The following TTC34 variants were observed in gnomAD, a reference collection of about 807,000 sequenced individuals.
TTC34 encodes tetratricopeptide repeat domain 34.
A neutral mutation model predicts 40.7 loss-of-function variants in TTC34; 44 were observed. The observed-to-expected ratio is 1.08, with a 90% confidence interval of 0.85 to 1.39. The LOEUF is 1.39. Ranked by LOEUF, TTC34 falls within the 40% of genes most tolerant of loss-of-function variation. The pLI is 0.00. For missense variants in TTC34, 884 were observed against 838.0 expected, an observed-to-expected ratio of 1.05 and a Z score of -0.68; for synonymous variants, 422 against 398.6, an observed-to-expected ratio of 1.06 and a Z score of -0.70.
chr1:2,797,361 C>T (rs910456393), intron 2 of TTC34, among the ~76,000 whole-genome samples: 9 of 152,206 alleles, frequency 5.9e-5, no homozygotes, highest in Non-Finnish European at 7.3e-5. Flanking sequence ...AGGACACTCA[C>T]GCCAGGGAGG....
chr1:2,683,325 C>T (rs1342548151), intron 6 of TTC34, among the ~76,000 whole-genome samples: 2 of 149,800 alleles, frequency 1.3e-5, no homozygotes, highest in African/African-American at 2.5e-5. Flanking sequence ...AGGTGAGCAT[C>T]TGACAGACTG....
intron 2 of TTC34, among the ~76,000 whole-genome samples, chr1:2,793,952 C>T (rs1008973644): frequency 1.3e-4 from 19 of 150,760 alleles, no homozygotes; most frequent in Non-Finnish European, 2.1e-4. Context: ...TTCCCCTCCT[C>T]GCCCTCCTTC....
At chr1:2,750,671 G>C (rs1641288095) in intron 6 of TTC34, among the ~76,000 whole-genome samples, 1 of 152,036 alleles carries the variant, frequency 6.6e-6, no homozygotes, top group African/African-American at 2.4e-5. Flanking sequence ...TGACAGCCTG[G>C]AACAGCACCC....
intron 4 of TTC34, among the ~76,000 whole-genome samples, chr1:2,787,090 G>T (rs1444312278): frequency 6.6e-6 from 1 of 152,180 alleles, no homozygotes; most frequent in African/African-American, 2.4e-5. Flanking sequence ...GGTCCCCTCT[G>T]CTACCCACCC....
intron 6 of TTC34, among the ~76,000 whole-genome samples, chr1:2,697,752 A>AGG (rs1640935457): frequency 7.7e-6 from 1 of 130,324 alleles, no homozygotes; most frequent in South Asian, 2.3e-4. Flanking sequence ...GACAGCCTGG[A>AGG]AGAGCAACCA....
At chr1:2,684,921 C>CCG (rs1557609174) in intron 6 of TTC34, among the ~76,000 whole-genome samples, 4 of 92,186 alleles carry the variant, frequency 4.3e-5, no homozygotes, top group African/African-American at 1.7e-4. Context: ...CCTGCACACC[C>CCG]AGGTGAGCAT....
intron 4 of TTC34, among the ~76,000 whole-genome samples, chr1:2,786,329 C>T (rs1040079352): frequency 1.7e-4 from 26 of 152,248 alleles, no homozygotes; most frequent in Admixed American, 2.0e-4. Context: ...TTCTGCCTGT[C>T]TGAGCACTAG....
intron 6 of TTC34, among the ~76,000 whole-genome samples, chr1:2,752,708 T>C (rs1247614014): frequency 2.3e-5 from 3 of 132,048 alleles, no homozygotes; most frequent in Admixed American, 7.5e-5. Context: ...GATGAGCATC[T>C]GACAGCATGG....
At chr1:2,639,917 C>G (rs534281469) in exon 9 of TTC34, 1 of 152,276 alleles carries the variant, frequency 6.6e-6, no homozygotes, top group East Asian at 1.9e-4. Context: ...AGGAGGGGGG[C>G]TACCCAGCCC....
At chr1:2,791,866 G>C (rs1368223449) in intron 2 of TTC34, among the ~76,000 whole-genome samples, 2 of 151,916 alleles carry the variant, frequency 1.3e-5, no homozygotes, top group East Asian at 3.8e-4. Context: ...TTGTCCCCAG[G>C]TCACCCAGCC....
intron 6 of TTC34, among the ~76,000 whole-genome samples, chr1:2,677,651 C>T (rs907674025): frequency 2.0e-4 from 4 of 20,330 alleles, no homozygotes; most frequent in Non-Finnish European, 4.5e-4. Flanking sequence ...GCACACACAC[C>T]CCCAGGCGAG....
chr1:2,677,674 T>C (rs1335796241), intron 6 of TTC34, among the ~76,000 whole-genome samples: 2 of 151,958 alleles, frequency 1.3e-5, no homozygotes, highest in Non-Finnish European at 2.9e-5. Flanking sequence ...TCTGACAGCC[T>C]GGAACAGCAC....
intron 6 of TTC34, among the ~76,000 whole-genome samples, chr1:2,750,153 A>T (rs1450467549): frequency 4.0e-3 from 479 of 119,116 alleles, no homozygotes; most frequent in African/African-American, 7.8e-3. Context: ...AGCGTGGAGC[A>T]GAACAAACAC....
Position 2,645,261 on chromosome 1 carries a change from C to G in TTC34, c.2497+32G>C. Reference sequence around the variant, plus strand: ...GAGGAGCGGGGACAGAAGCCCAGACCCCGTGTTTCCCACCTTGGGGCCGCC... The same window carrying G: ...GAGGAGCGGGGACAGAAGCCCAGACGCCGTGTTTCCCACCTTGGGGCCGCC... On this transcript the variant is annotated intron_variant, in intron 7 of 8. Transcript: ENST00000401095. The surrounding 1 kb of genome is among the most constrained non-coding windows in gnomAD (Gnocchi z 4.7). The G allele has an allele frequency of 6.9e-7, 1 of 1,439,084 alleles. No homozygotes were observed. The highest frequency in any genetic ancestry group is 2.5e-5 in the East Asian group (1 of 39,556). The allele number at this position is 1,439,084 out of a possible 1,614,324, so 89.1% of individuals were successfully genotyped here.
At chr1:2,785,370 A>G (rs1643568825) in intron 5 of TTC34, among the ~76,000 whole-genome samples, 1 of 152,078 alleles carries the variant, frequency 6.6e-6, no homozygotes, top group African/African-American at 2.4e-5. Flanking sequence ...CAACCCCAGA[A>G]ACAGCACTGA....
chr1:2,695,007 C>G (rs1284728911), intron 6 of TTC34, among the ~76,000 whole-genome samples: 1 of 152,188 alleles, frequency 6.6e-6, no homozygotes, highest in African/African-American at 2.4e-5. Context: ...AGGTGAGGAT[C>G]TGACAGCCTG....
chr1:2,759,145 C>G (rs1366742387), intron 6 of TTC34, among the ~76,000 whole-genome samples: 3 of 106,044 alleles, frequency 2.8e-5, no homozygotes, highest in African/African-American at 1.3e-4. Flanking sequence ...CAGCCTAGAA[C>G]AGCACCCACA....
chr1:2,687,928 C>A (rs1640440094), intron 6 of TTC34, among the ~76,000 whole-genome samples: 1 of 149,166 alleles, frequency 6.7e-6, no homozygotes, highest in Admixed American at 6.7e-5. Context: ...CACCCACACG[C>A]CCAGGTGAGC....
rs1405406491 is a variant in TTC34, at chr1:2,673,416, G to A, written c.2227-27853C>T. 1.5e-4 allele frequency among the ~76,000 whole-genome samples: 12 copies of A among 80,452 alleles called. 5 individuals carry two copies. The highest frequency in any genetic ancestry group is 3.6e-4 in the Non-Finnish European group (12 of 33,656). The allele number at this position is 80,452 out of a possible 152,430, so 52.8% of individuals were successfully genotyped here. On this transcript the variant is annotated intron_variant, in intron 6 of 8. Coordinates refer to ENST00000401095, the Ensembl canonical transcript of TTC34. Reference sequence around the variant, plus strand: ...CACACCCCCAGGTGAGCATCTGATGGTTTGCGGCAACACTGACACCCACAG... The same window carrying A: ...CACACCCCCAGGTGAGCATCTGATGATTTGCGGCAACACTGACACCCACAG...
Sources: allele counts gnomAD v4.1 joint callset (sites outside exome capture counted in the v4.1 genomes callset), GRCh38; gene constraint gnomAD v4.1.1; non-coding constraint Gnocchi (gnomAD v3.1); transcripts MANE v1.5; gene names NCBI Gene and HGNC (gene_info 2026-07-23, HGNC 2026-07-21).